Variants in PRKCA observed in about 807,000 individuals in gnomAD.
PRKCA encodes the protein protein kinase C alpha.
PRKCA carries 27 observed loss-of-function variants against 87.0 expected under a neutral mutation model. The ratio of observed to expected loss-of-function variants is 0.31; its 90% confidence interval spans 0.23 to 0.43. PRKCA has a LOEUF of 0.43. Ranked by LOEUF, PRKCA falls within the 20% of genes least tolerant of loss-of-function variation. PRKCA has a pLI of 1.00. For missense variants in PRKCA, 518 were observed against 852.3 expected (o/e 0.61, Z 4.88); for synonymous variants, 329 against 311.1 (o/e 1.06, Z -0.61).
intron 2 of PRKCA, among the ~76,000 whole-genome samples, chr17:66,484,330 C>T (rs1915910269): frequency 6.6e-6 from 1 of 152,142 alleles, no homozygotes; most frequent in South Asian, 2.1e-4. Context: ...TAGCTAATAC[C>T]TGAAATAATC....
intron 2 of PRKCA, among the ~76,000 whole-genome samples, chr17:66,435,639 T>C (rs1402345491): frequency 6.6e-6 from 1 of 151,960 alleles, no homozygotes; most frequent in African/African-American, 2.4e-5. Flanking sequence ...TATATAAAAT[T>C]GGGAAGATAT....
In PRKCA at chr17:66,803,871, A is replaced by G. The variant is rs1237819798; in HGVS notation, c.1855-2A>G. 6.2e-7 allele frequency: 1 copy of G among 1,613,438 alleles called. No individual in the cohort carries two copies. Among genetic ancestry groups the G allele is most frequent in the Non-Finnish European group, 8.5e-7 (1 of 1,179,618 alleles). ...TTCCTTCTTTTTGTCTTTTCTCCAC[A>G]GTGTGGCAAAGGAGCAGAGAACTTT... is the stretch of plus-strand genomic sequence containing the variant. On this transcript the variant is annotated splice_acceptor_variant, in intron 16 of 16. Transcript: ENST00000413366. LOFTEE classifies it high-confidence loss of function. The surrounding 1 kb of genome is among the most constrained non-coding windows in gnomAD (Gnocchi z 4.4).
intron 3 of PRKCA, chr17:66,640,793 T>C (rs1238261073): frequency 3.0e-6 from 1 of 329,928 alleles, no homozygotes; most frequent in Non-Finnish European, 5.9e-6. Context: ...CCAGAAGTAA[T>C]AGCTTTGGTG....
At chr17:66,328,579 C>A (rs1206259412) in intron 2 of PRKCA, among the ~76,000 whole-genome samples, 1 of 152,044 alleles carries the variant, frequency 6.6e-6, no homozygotes, top group African/African-American at 2.4e-5. Flanking sequence ...GGGCAGATCA[C>A]TTGAGGTCAG....
chr17:66,476,139 A>G (rs1264837750), intron 2 of PRKCA, among the ~76,000 whole-genome samples: 1 of 152,192 alleles, frequency 6.6e-6, no homozygotes, highest in Non-Finnish European at 1.5e-5. Context: ...ACCTCAAGTG[A>G]TTCGCCTGCC....
intron 2 of PRKCA, among the ~76,000 whole-genome samples, chr17:66,426,323 T>A (rs1179122179): frequency 1.3e-5 from 2 of 151,994 alleles, no homozygotes; most frequent in Non-Finnish European, 2.9e-5. Context: ...TATAGGAACT[T>A]TTGTAAGTTT....
chr17:66,640,941 ACC>A, intron 3 of PRKCA: 1 of 373,066 alleles, frequency 2.7e-6, no homozygotes, highest in Non-Finnish European at 5.2e-6. Flanking sequence ...CTGGTGCATC[ACC>A]TGAGGTCAGG....
chr17:66,511,426 C>G (rs560911561), intron 3 of PRKCA, among the ~76,000 whole-genome samples: 1 of 152,302 alleles, frequency 6.6e-6, no homozygotes, highest in South Asian at 2.1e-4. Context: ...CAGGGCTGCT[C>G]TCTTTTGCAT....
intron 3 of PRKCA, among the ~76,000 whole-genome samples, chr17:66,578,903 C>G (rs978154330): frequency 7.2e-5 from 11 of 152,230 alleles, no homozygotes; most frequent in Non-Finnish European, 1.6e-4. Flanking sequence ...GGTGGCTCCC[C>G]GCGCAGCTCG....
chr17:66,796,991 G>A (rs1377920907), intron 16 of PRKCA: 3 of 984,548 alleles, frequency 3.0e-6, no homozygotes, highest in Admixed American at 6.2e-5. Context: ...GGTTTTGTTT[G>A]GTTTTGCTTT....
chr17:66,682,516 AGGGCCTTG>A (rs1214714863), intron 5 of PRKCA, among the ~76,000 whole-genome samples: 1 of 152,254 alleles, frequency 6.6e-6, no homozygotes, highest in African/African-American at 2.4e-5. Flanking sequence ...GTTCCCTGCC[AGGGCCTTG>A]GGCCCATTTG....
intron 1 of PRKCA, 135 bp downstream of exon 1, chr17:66,303,159 C>G (rs1358710946): frequency 8.3e-7 from 1 of 1,208,338 alleles, no homozygotes; most frequent in Non-Finnish European, 1.1e-6. Flanking sequence ...ACTCTTCGCC[C>G]GGAGTGACAC....
At chr17:66,575,316 T>C (rs1969200756) in intron 3 of PRKCA, among the ~76,000 whole-genome samples, 1 of 152,250 alleles carries the variant, frequency 6.6e-6, no homozygotes, top group Admixed American at 6.5e-5. Context: ...TGGTAGCTCA[T>C]GCCTGTGATC....
chr17:66,566,453 A>G (rs1968890527), intron 3 of PRKCA, among the ~76,000 whole-genome samples: 1 of 141,504 alleles, frequency 7.1e-6, no homozygotes, highest in South Asian at 2.3e-4. Context: ...GAAGACAGGC[A>G]TTGTGAAGAA....
intron 3 of PRKCA, among the ~76,000 whole-genome samples, chr17:66,624,459 C>G (rs1970786378): frequency 6.6e-6 from 1 of 152,132 alleles, no homozygotes; most frequent in Non-Finnish European, 1.5e-5. Flanking sequence ...TCTAAATTTG[C>G]ACTCTCCAAC....
At chr17:66,563,262 G>A (rs1026177986) in intron 3 of PRKCA, among the ~76,000 whole-genome samples, 5 of 152,112 alleles carry the variant, frequency 3.3e-5, no homozygotes, top group Non-Finnish European at 7.4e-5. Flanking sequence ...AATGTGTCAT[G>A]GCCCGTATCC....
rs1915867480 is a variant in PRKCA, at chr17:66,483,454, T to C, written c.206-12747T>C. 2.0e-5 allele frequency among the ~76,000 whole-genome samples: 3 copies of C among 150,532 alleles called. No homozygotes were observed. The South Asian group carries it at 6.4e-4, about 32-fold the overall frequency. ...TCCAAATTTCCCCTTGCCTTTATTTTTATTTTATTTTATTTTATTTTATTT... is the reference window on the plus strand; with the variant it reads ...TCCAAATTTCCCCTTGCCTTTATTTCTATTTTATTTTATTTTATTTTATTT... On this transcript the variant is annotated intron_variant, in intron 2 of 16. Transcript: ENST00000413366.
At chr17:66,389,282 G>T (rs930257093) in intron 2 of PRKCA, among the ~76,000 whole-genome samples, 2 of 152,176 alleles carry the variant, frequency 1.3e-5, no homozygotes, top group South Asian at 4.1e-4. Context: ...GAAGGGGAGG[G>T]AAGAGAGGAG....
At position 66,689,115 on chromosome 17, in the gene PRKCA, G is replaced by A. The variant is rs1335036288; in HGVS notation, c.918+68G>A. 3.0e-6 allele frequency: 3 copies of A among 997,290 alleles called. No individual in the cohort carries two copies. Among genetic ancestry groups the A allele is most frequent in the African/African-American group, 1.7e-5 (1 of 59,762 alleles). The allele number at this position is 997,290 out of a possible 1,614,324, so 61.8% of individuals were successfully genotyped here. A position where few individuals can be genotyped will look rare whatever the true frequency, so the allele number is the denominator to read the frequency against. On this transcript the variant is annotated intron_variant, in intron 8 of 16. Transcript: ENST00000413366. This position sits in a 1 kb window ranked among gnomAD's most constrained non-coding sequence, Gnocchi z 4.1. Reference sequence around the variant, plus strand: ...GCCCAACTTCAGGAACGGCCGAGATGTTGTGGTCACATTTTTGAAAAGCAA... The same window carrying A: ...GCCCAACTTCAGGAACGGCCGAGATATTGTGGTCACATTTTTGAAAAGCAA...
Sources: allele counts gnomAD v4.1 joint callset (sites outside exome capture counted in the v4.1 genomes callset), GRCh38; gene constraint gnomAD v4.1.1; non-coding constraint Gnocchi (gnomAD v3.1); transcripts MANE v1.5; gene names NCBI Gene and HGNC (gene_info 2026-07-23, HGNC 2026-07-21).